The following SBF2 variants were observed in gnomAD, a reference collection of about 807,000 sequenced individuals.
SBF2 encodes SET binding factor 2, also known as myotubularin-related protein 13.
In SBF2, 112 loss-of-function variants were observed where a neutral mutation model predicts 225.2. The observed-to-expected ratio is 0.50, with a 90% confidence interval of 0.43 to 0.58. The LOEUF (loss-of-function observed/expected upper bound fraction) is 0.58, where lower values mean the gene tolerates loss of function less well. Ranked by LOEUF, SBF2 falls within the 20% of genes least tolerant of loss-of-function variation. SBF2 has a pLI of 0.00. For missense variants in SBF2, 1,996 were observed against 2,206.2 expected (o/e 0.90, Z 1.91); for synonymous variants, 763 against 773.3 (o/e 0.99, Z 0.22).
At chr11:9,958,837 A>G (rs541320435) in intron 16 of SBF2, 3 of 615,402 alleles carry the variant, frequency 4.9e-6, no homozygotes, top group South Asian at 1.6e-5. Context: ...CAGAGAGGCA[A>G]TGATCTTCAA....
intron 25 of SBF2, 99 bp from the exon 26 acceptor site, chr11:9,839,795 T>G (rs1430248359): frequency 3.2e-6 from 4 of 1,268,374 alleles, no homozygotes; most frequent in Admixed American, 1.7e-5. Flanking sequence ...TCTGAAACTG[T>G]GATGGTAGAG....
chr11:9,790,641 CCTT>C lies in SBF2; in HGVS notation c.4610_4612del (p.Lys1537_Gly1538delinsArg). 1 of 1,587,986 alleles carries C rather than the reference CCTT, an allele frequency of 6.3e-7. No individual in the cohort carries two copies. Among genetic ancestry groups the C allele is most frequent in the South Asian group, 1.1e-5 (1 of 89,700 alleles). ...GTCAATACATTCCCAAATACAGACTCCTTTTTTGGCATGCTTTTCTCCTTTATC... is the reference window on the plus strand; with the variant it reads ...GTCAATACATTCCCAAATACAGACTCTTTTGGCATGCTTTTCTCCTTTATC... On this transcript the variant is annotated inframe_deletion, in exon 34 of 40. Coordinates refer to ENST00000256190, the MANE Select transcript of SBF2 (RefSeq NM_030962.4).
At chr11:10,085,074 T>C (rs1255177570) in intron 2 of SBF2, among the ~76,000 whole-genome samples, 1 of 152,202 alleles carries the variant, frequency 6.6e-6, no homozygotes, top group Admixed American at 6.5e-5. Flanking sequence ...ATTCCACAAA[T>C]TTGTACAAAA....
chr11:9,782,739 C>A (rs1852097975), intron 38 of SBF2, among the ~76,000 whole-genome samples: 1 of 152,020 alleles, frequency 6.6e-6, no homozygotes, highest in Non-Finnish European at 1.5e-5. Context: ...GGCATGGTGG[C>A]AGGCGCCTGT....
rs187945102 is a variant in SBF2, at chr11:10,113,368, A to G, written c.142-70387T>C. 4.0e-3 allele frequency among the ~76,000 whole-genome samples: 606 copies of G among 152,346 alleles called. 1 individual carries two copies. Among genetic ancestry groups the G allele is most frequent in the Non-Finnish European group, 6.5e-3 (442 of 68,028 alleles). On this transcript the variant is annotated intron_variant, in intron 2 of 39. Coordinates refer to ENST00000256190, the MANE Select transcript of SBF2 (RefSeq NM_030962.4). ...AAAATCTTAAGTATTTAAACCTGAA[A>G]TATCTGCAGAGAATAAATAATAAAA...
chr11:10,017,820 A>C (rs918737332), intron 6 of SBF2, among the ~76,000 whole-genome samples: 1 of 152,162 alleles, frequency 6.6e-6, no homozygotes, highest in Non-Finnish European at 1.5e-5. Flanking sequence ...TATGACTAAA[A>C]ATAATTCAAA....
At chr11:9,903,880 T>G (rs534525276) in intron 16 of SBF2, among the ~76,000 whole-genome samples, 1 of 152,290 alleles carries the variant, frequency 6.6e-6, no homozygotes, top group South Asian at 2.1e-4. Flanking sequence ...TTTTGTCTCT[T>G]AATGCTCATG....
chr11:10,281,480 A>G (rs1291346453), intron 1 of SBF2, among the ~76,000 whole-genome samples: 1 of 152,242 alleles, frequency 6.6e-6, no homozygotes, highest in Non-Finnish European at 1.5e-5. Flanking sequence ...AACTTGAAAC[A>G]GTCTCTCTTA....
chr11:9,799,926 A>G (rs1033236356), intron 32 of SBF2, among the ~76,000 whole-genome samples: 1 of 152,182 alleles, frequency 6.6e-6, no homozygotes, highest in African/African-American at 2.4e-5. Context: ...ATCAGTACAA[A>G]TGTTTTGCCC....
At chr11:10,236,650 G>A (rs1240942505) in intron 1 of SBF2, among the ~76,000 whole-genome samples, 1 of 152,118 alleles carries the variant, frequency 6.6e-6, no homozygotes. Flanking sequence ...ACTAGAGATG[G>A]GATTTCACCC....
chr11:10,076,654 T>C (rs1951126188), intron 2 of SBF2, among the ~76,000 whole-genome samples: 1 of 152,184 alleles, frequency 6.6e-6, no homozygotes, highest in Admixed American at 6.5e-5. Context: ...CAGCAGGCCA[T>C]GGGAGGGAGC....
chr11:9,938,598 T>C (rs1004149177), intron 16 of SBF2, among the ~76,000 whole-genome samples: 10 of 152,138 alleles, frequency 6.6e-5, no homozygotes, highest in Middle Eastern at 3.2e-3. Flanking sequence ...AATCCCAGTA[T>C]GTATAAAAAT....
intron 2 of SBF2, among the ~76,000 whole-genome samples, chr11:10,078,972 T>C (rs1469067472): frequency 2.0e-5 from 3 of 151,934 alleles, no homozygotes; most frequent in East Asian, 1.9e-4. Context: ...AAATCATACA[T>C]AGTCTATGCC....
Position 9,845,678 on chromosome 11 carries a change from C to T in SBF2, c.2997G>A (p.Gln999=). The T allele has an allele frequency of 1.2e-6, 2 of 1,613,880 alleles. No individual in the cohort carries two copies. The highest frequency in any genetic ancestry group is 2.2e-5 in the South Asian group (2 of 91,080). ...ACTGAGGATAACGGAACTTCATCAG[C>T]TGTTTCTTAAAGATCTCTACTACTT... ...SPEVVEIFKK[Q]LMKFRYPQSI... The change falls in exon 24 of 40, where the codon CAG becomes CAA. Residue 999 remains glutamine, a synonymous_variant. Transcript: ENST00000256190.
chr11:9,821,265 A>G (rs1347784717), intron 28 of SBF2, among the ~76,000 whole-genome samples: 1 of 152,184 alleles, frequency 6.6e-6, no homozygotes, highest in Non-Finnish European at 1.5e-5. Flanking sequence ...ACTTTTTGCA[A>G]ACCAATACAT....
intron 1 of SBF2, among the ~76,000 whole-genome samples, chr11:10,287,542 T>C (rs377420594): frequency 2.8e-4 from 42 of 152,242 alleles, no homozygotes; most frequent in African/African-American, 9.4e-4. Flanking sequence ...TCCCAAAGCA[T>C]TGCCATTATA....
chr11:10,231,073 C>T (rs185061040), intron 1 of SBF2, among the ~76,000 whole-genome samples: 1 of 152,264 alleles, frequency 6.6e-6, no homozygotes, highest in East Asian at 1.9e-4. Flanking sequence ...TCTTCCATCG[C>T]TGATACCCTT....
At chr11:9,998,428 G>A (rs1255639731) in intron 8 of SBF2, 49 bp from the exon 9 acceptor site, 1 of 1,017,608 alleles carries the variant, frequency 9.8e-7, no homozygotes, top group Non-Finnish European at 1.5e-6. Flanking sequence ...TACATTTGTT[G>A]TTAAGCAAAT....
chr11:10,062,530 G>A (rs1381334318), intron 2 of SBF2, among the ~76,000 whole-genome samples: 1 of 151,996 alleles, frequency 6.6e-6, no homozygotes, highest in African/African-American at 2.4e-5. Flanking sequence ...GTGGGCAAAG[G>A]ACATGAACAG....
Sources: allele counts gnomAD v4.1 joint callset (sites outside exome capture counted in the v4.1 genomes callset), GRCh38; gene constraint gnomAD v4.1.1; transcripts MANE v1.5; gene names NCBI Gene and HGNC (gene_info 2026-07-23, HGNC 2026-07-21).